Variants in SLCO2A1 observed in about 807,000 individuals in gnomAD.
The protein encoded by SLCO2A1 is matrin F/G 1.
In SLCO2A1, 60 loss-of-function variants were observed where a neutral mutation model predicts 71.7. That is an observed-to-expected ratio of 0.84 (90% CI 0.68 to 1.04). The LOEUF is 1.04. SLCO2A1 is among the 50% of genes least tolerant of loss of function. The pLI is 0.00. For synonymous variants in SLCO2A1, 308 were observed against 326.7 expected (o/e 0.94, Z 0.62); for missense variants, 745 against 813.4 (o/e 0.92, Z 1.02).
chr3:133,968,020 G>A (rs1414696408), intron 3 of SLCO2A1, among the ~76,000 whole-genome samples: 10 of 122,628 alleles, frequency 8.2e-5, no homozygotes, highest in Admixed American at 1.7e-4. Flanking sequence ...CCCATCACAG[G>A]CACCCCACCC....
At chr3:133,993,319 T>C (rs546557173) in intron 1 of SLCO2A1, among the ~76,000 whole-genome samples, 47 of 152,368 alleles carry the variant, frequency 3.1e-4, no homozygotes, top group Admixed American at 3.0e-3. Flanking sequence ...TGTGTTGTGT[T>C]TCTTTTCTAA....
intron 3 of SLCO2A1, among the ~76,000 whole-genome samples, chr3:133,961,177 G>C (rs528176975): frequency 2.0e-5 from 3 of 152,198 alleles, no homozygotes; most frequent in Admixed American, 2.0e-4. Context: ...AACTGAGACG[G>C]GTAAGGAGGG....
chr3:133,943,874 T>G (rs1342988148), intron 10 of SLCO2A1, among the ~76,000 whole-genome samples: 1 of 152,238 alleles, frequency 6.6e-6, no homozygotes, highest in African/African-American at 2.4e-5. Flanking sequence ...CAGAGGAGGT[T>G]GGTAAGTAGG....
At chr3:134,022,119 T>C (rs1935600567) in intron 1 of SLCO2A1, among the ~76,000 whole-genome samples, 1 of 151,576 alleles carries the variant, frequency 6.6e-6, no homozygotes, top group Non-Finnish European at 1.5e-5. Flanking sequence ...AAAAGAGTAT[T>C]ATATGGTAAA....
chr3:133,952,601 C>A (rs2108044355), intron 5 of SLCO2A1, among the ~76,000 whole-genome samples: 1 of 152,358 alleles, frequency 6.6e-6, no homozygotes, highest in South Asian at 2.1e-4. Context: ...AGCCCTTGCT[C>A]CATTCATCCT....
At chr3:133,997,908 T>C (rs1385192572) in intron 1 of SLCO2A1, among the ~76,000 whole-genome samples, 3 of 152,206 alleles carry the variant, frequency 2.0e-5, no homozygotes, top group Non-Finnish European at 2.9e-5. Flanking sequence ...TATTCTCACA[T>C]GTGAGGTGGT....
At position 134,029,808 on chromosome 3, in the gene SLCO2A1, C is replaced by A. The variant is rs772909866; in HGVS notation, c.-6G>T. ...AGCTTGGGCAGGAGCCCCATGGCTGCGGGCGGCTGGCCGGGCGCGGAGTGG... is the reference window on the plus strand; with the variant it reads ...AGCTTGGGCAGGAGCCCCATGGCTGAGGGCGGCTGGCCGGGCGCGGAGTGG... On this transcript the variant is annotated 5_prime_UTR_variant, in exon 1 of 14. Coordinates refer to ENST00000310926, the MANE Select transcript of SLCO2A1 (RefSeq NM_005630.3). 1 of 1,437,086 alleles carries A rather than the reference C, an allele frequency of 7.0e-7. No homozygotes were observed. Among genetic ancestry groups the A allele is most frequent in the Non-Finnish European group, 9.1e-7 (1 of 1,097,778 alleles). 89.0% of individuals were successfully genotyped at this position (1,437,086 alleles called of 1,614,324 possible).
intron 10 of SLCO2A1, among the ~76,000 whole-genome samples, chr3:133,944,406 CAA>C (rs1933510895): frequency 6.6e-6 from 1 of 152,208 alleles, no homozygotes; most frequent in African/African-American, 2.4e-5. Flanking sequence ...ACAAATGACT[CAA>C]GTCAGTTTGC....
At chr3:134,011,085 C>T (rs1406182367) in intron 1 of SLCO2A1, among the ~76,000 whole-genome samples, 14 of 152,070 alleles carry the variant, frequency 9.2e-5, no homozygotes, top group Admixed American at 9.2e-4. Context: ...TCTCGCTCTG[C>T]TGTTGCCCAG....
At chr3:134,015,838 G>GA (rs1341305562) in intron 1 of SLCO2A1, among the ~76,000 whole-genome samples, 2 of 151,894 alleles carry the variant, frequency 1.3e-5, no homozygotes, top group South Asian at 4.2e-4. Context: ...CAGAAACAAC[G>GA]AAACAAAATA....
rs756536769 is a variant in SLCO2A1, at chr3:133,942,735, A to G, written c.1495T>C (p.Ser499Pro). ...YLNCSCVTGG[S>P]ASAKTGSCPV... ...CACGATCCTGTCTTTGCTGAAGCGG[A>G]TCCCCCGGTCACACAGCTGCAGTTC... is the stretch of plus-strand genomic sequence containing the variant. The change falls in exon 11 of 14, where the codon TCC (serine) becomes CCC (proline). Residue 499 changes from serine (S) to proline (P), a missense_variant. Transcript: ENST00000310926. 1 of 1,610,502 alleles carries G rather than the reference A, an allele frequency of 6.2e-7. No homozygotes were observed. The highest frequency in any genetic ancestry group is 1.1e-5 in the South Asian group (1 of 90,236).
At chr3:133,943,778 T>A (rs774656865) in intron 10 of SLCO2A1, among the ~76,000 whole-genome samples, 1 of 152,246 alleles carries the variant, frequency 6.6e-6, no homozygotes, top group Non-Finnish European at 1.5e-5. Flanking sequence ...GAGCATCTTG[T>A]CCAAGTTCCT....
chr3:133,986,094 C>A (rs911589690), intron 1 of SLCO2A1, among the ~76,000 whole-genome samples: 2 of 152,138 alleles, frequency 1.3e-5, no homozygotes, highest in Admixed American at 6.6e-5. Flanking sequence ...ATACATTTGT[C>A]AAAACTCAAC....
intron 3 of SLCO2A1, among the ~76,000 whole-genome samples, chr3:133,959,550 C>T (rs186407966): frequency 7.2e-4 from 110 of 152,168 alleles, no homozygotes; most frequent in African/African-American, 2.4e-3. Context: ...CAACACTGGG[C>T]GTGACGGCGC....
intron 3 of SLCO2A1, among the ~76,000 whole-genome samples, chr3:133,969,383 TCGCACCACTTCACTCCAGC>T (rs1357933039): frequency 6.6e-6 from 1 of 152,068 alleles, no homozygotes; most frequent in Non-Finnish European, 1.5e-5. Context: ...TGAGCCGAGA[TCGCACCACTTCACTCCAGC>T]CTGGTGACAG....
chr3:134,001,564 C>T (rs1399607947), intron 1 of SLCO2A1, among the ~76,000 whole-genome samples: 1 of 152,204 alleles, frequency 6.6e-6, no homozygotes, highest in African/African-American at 2.4e-5. Flanking sequence ...CCTTTCCCCT[C>T]TGTTTGCCTT....
chr3:134,000,561 A>C (rs758064524), intron 1 of SLCO2A1, among the ~76,000 whole-genome samples: 4 of 152,130 alleles, frequency 2.6e-5, no homozygotes, highest in Non-Finnish European at 5.9e-5. Flanking sequence ...GGAATAGATC[A>C]CTGGGTTTTA....
At chr3:133,944,231 ATCCTATTAAG>A (rs1433711552) in intron 10 of SLCO2A1, among the ~76,000 whole-genome samples, 1 of 152,160 alleles carries the variant, frequency 6.6e-6, no homozygotes, top group African/African-American at 2.4e-5. Flanking sequence ...GGAACTCTCC[ATCCTATTAAG>A]TCCTTCCATG....
At chr3:134,000,323 C>T (rs1935082042) in intron 1 of SLCO2A1, among the ~76,000 whole-genome samples, 1 of 152,104 alleles carries the variant, frequency 6.6e-6, no homozygotes, top group Non-Finnish European at 1.5e-5. Context: ...GTCCTCTCTT[C>T]AATTCCACAG....
Sources: allele counts gnomAD v4.1 joint callset (sites outside exome capture counted in the v4.1 genomes callset), GRCh38; gene constraint gnomAD v4.1.1; transcripts MANE v1.5; gene names NCBI Gene and HGNC (gene_info 2026-07-23, HGNC 2026-07-21).